The following FRYL variants were observed in gnomAD, a reference collection of about 807,000 sequenced individuals.
FRYL encodes FRY like transcription coactivator.
Under a neutral mutation model 351.2 loss-of-function variants are expected in FRYL, and 150 were observed. The observed-to-expected ratio is 0.43, with a 90% CI of 0.37 to 0.49. The LOEUF (loss-of-function observed/expected upper bound fraction) is 0.49, where lower values mean the gene tolerates loss of function less well. FRYL is among the 20% of genes least tolerant of loss of function. The pLI is 0.00. For synonymous variants in FRYL, 1,153 were observed against 1,257.1 expected (o/e 0.92, Z 1.75); for missense variants, 3,036 against 3,619.3 (o/e 0.84, Z 4.13).
Position 48,531,162 on chromosome 4 carries a change from T to C in FRYL, c.6897A>G (p.Ile2299Met), listed in dbSNP as rs1302699154. 3.8e-6 allele frequency: 6 copies of C among 1,582,348 alleles called. No individual in the cohort carries two copies. The highest frequency in any genetic ancestry group is 5.2e-6 in the Non-Finnish European group (6 of 1,152,370). Residue 2299 changes from isoleucine (I) to methionine (M), a missense_variant, in exon 50 of 64, where the codon ATA (isoleucine) becomes ATG (methionine). By Grantham distance (10) the Ile-to-Met change is conservative. Transcript: ENST00000358350. ...PGKTLDFHFD[I>M]SETPIIGNKY... is the part of the protein sequence containing the mutation. The stretch of plus-strand genomic sequence containing the variant: ...CAATTTCTGAGCATCTTACCTCAGA[T>C]ATATCAAAATGAAAATCTAAGGTCT...
At chr4:48,674,735 T>TTAAAAA (rs1763281405) in intron 3 of FRYL, among the ~76,000 whole-genome samples, 1 of 634 alleles carries the variant, frequency 1.6e-3, no homozygotes, top group Non-Finnish European at 5.3e-3. Context: ...AGACTCTGTC[T>TTAAAAA]CAAAAAAAAA....
chr4:48,520,976 A>G, intron 55 of FRYL, 72 bp downstream of exon 55: 1 of 1,118,918 alleles, frequency 8.9e-7, no homozygotes, highest in Non-Finnish European at 1.2e-6. Context: ...TTTTTGAAAG[A>G]AAAGCGGGAG....
intron 19 of FRYL, 143 bp from the exon 20 acceptor site, chr4:48,582,877 T>C: frequency 1.5e-6 from 1 of 647,198 alleles, no homozygotes; most frequent in Non-Finnish European, 2.7e-6. Flanking sequence ...TGATCACTTT[T>C]TCATGCTATA....
In FRYL at chr4:48,522,123, T is replaced by A. The variant is rs1560531722; in HGVS notation, c.7521+778A>T. Among the ~76,000 whole-genome samples, 6 of 151,998 alleles carry A rather than the reference T, an allele frequency of 3.9e-5. No homozygotes were observed. In the South Asian group the frequency reaches 6.2e-4, roughly 16 times the overall value. ...CAAGACCCCATCTCTACAAAAAATT[T>A]AAAAAAATTAGCTGTGCATATGTGG... On this transcript the variant is annotated intron_variant, in intron 54 of 63. Coordinates refer to ENST00000358350, the MANE Select transcript of FRYL (RefSeq NM_015030.2).
chr4:48,636,652 C>G (rs1416940059), intron 3 of FRYL, among the ~76,000 whole-genome samples: 2 of 151,716 alleles, frequency 1.3e-5, no homozygotes, highest in Non-Finnish European at 2.9e-5. Context: ...GCCTATAAAG[C>G]CAAAAGTTTT....
Position 48,546,362 on chromosome 4 carries a change from G to A in FRYL, c.5075-91C>T, listed in dbSNP as rs1486215758. The A allele has an allele frequency of 2.6e-5, 26 of 997,458 alleles. No individual in the cohort carries two copies. In the East Asian group the frequency reaches 6.2e-4, roughly 24 times the overall value. The allele number at this position is 997,458 out of a possible 1,614,324, so 61.8% of individuals were successfully genotyped here. Reference sequence around the variant, plus strand: ...TAAACTGTTGTTCCTTAGACTCTATGGGACACATGAGGCAATCTGTCAGTG... The same window carrying A: ...TAAACTGTTGTTCCTTAGACTCTATAGGACACATGAGGCAATCTGTCAGTG... On this transcript the variant is annotated intron_variant, in intron 41 of 63. Coordinates refer to ENST00000358350, the MANE Select transcript of FRYL (RefSeq NM_015030.2).
intron 59 of FRYL, chr4:48,506,762 GCTTATGTT>G (rs1721155844): frequency 6.6e-6 from 1 of 150,484 alleles, no homozygotes; most frequent in Non-Finnish European, 1.5e-5. Context: ...CTCTATTGTA[GCTTATGTT>G]GTACCCACAA....
intron 1 of FRYL, among the ~76,000 whole-genome samples, chr4:48,743,421 G>A (rs1443173913): frequency 1.3e-5 from 2 of 151,958 alleles, no homozygotes; most frequent in African/African-American, 2.4e-5. Context: ...TTCAAGAAAG[G>A]AAACCTGATC....
In FRYL at chr4:48,515,229, T is replaced by C. The variant is rs1338716864; in HGVS notation, c.7736A>G (p.Asp2579Gly). The C allele has an allele frequency of 2.5e-6, 4 of 1,611,564 alleles. No homozygotes were observed. The highest frequency in any genetic ancestry group is 1.7e-5 in the Admixed American group (1 of 59,986). ...TTCTTGAATTATATAGGATCCTTCA[T>C]CTTCAAAGGTTGTAACATGTTCCTC... is the stretch of plus-strand genomic sequence containing the variant. ...LKEEHVTTFEDEGSYIIQEQQ... is the reference protein window; with the variant it reads ...LKEEHVTTFEGEGSYIIQEQQ... Residue 2579 changes from aspartate to glycine, a missense_variant, in exon 56 of 64, where the codon GAT becomes GGT. By Grantham distance (94) the Asp-to-Gly change is moderately conservative. This residue lies in a region of FRYL where 1,987 missense variants were observed against 2,311.7 expected (regional missense o/e 0.86). Coordinates refer to ENST00000358350, the MANE Select transcript of FRYL (RefSeq NM_015030.2).
intron 2 of FRYL, among the ~76,000 whole-genome samples, chr4:48,705,557 TA>T (rs35570215): frequency 0.023 from 3,332 of 144,332 alleles, 54 homozygotes; most frequent in Middle Eastern, 0.076. Flanking sequence ...ATATTTTTCT[TA>T]AAAAAAAAAA....
chr4:48,500,860 G>A (rs1424304014), intron 62 of FRYL, among the ~76,000 whole-genome samples: 1 of 152,104 alleles, frequency 6.6e-6, no homozygotes. Flanking sequence ...CAAGGCAGTG[G>A]GTCACCTGAG....
Position 48,659,436 on chromosome 4 carries a change from G to GAGA in FRYL, c.-80-24947_-80-24946insTCT, listed in dbSNP as rs1489627054. Among the ~76,000 whole-genome samples, 19 of 1,910 alleles carry GAGA rather than the reference G, an allele frequency of 9.9e-3. 9 individuals are homozygous for GAGA. The highest frequency in any genetic ancestry group is 0.5 in the Middle Eastern group (2 of 4). 1.3% of individuals were successfully genotyped at this position (1,910 alleles called of 152,430 possible). On this transcript the variant is annotated intron_variant, in intron 3 of 63. Coordinates refer to ENST00000358350, the MANE Select transcript of FRYL (RefSeq NM_015030.2). ...GAGAAGGAGAAGGAGAAGAGGAAGA[G>GAGA]GAAGAGGAAGAGGAAGAGGGAGAAG...
chr4:48,590,383 C>T (rs1269245612), intron 17 of FRYL, among the ~76,000 whole-genome samples: 1 of 152,060 alleles, frequency 6.6e-6, no homozygotes, highest in African/African-American at 2.4e-5. Context: ...ACTTGGGAGG[C>T]TGAGGCATGA....
intron 1 of FRYL, 77 bp from the exon 2 acceptor site, chr4:48,710,775 C>T (rs1382715858): frequency 1.0e-5 from 4 of 391,006 alleles, no homozygotes; most frequent in East Asian, 3.6e-5. Flanking sequence ...TAGCAGCTTC[C>T]GTATATCACT....
At chr4:48,670,835 T>C (rs1424149468) in intron 3 of FRYL, among the ~76,000 whole-genome samples, 1 of 152,214 alleles carries the variant, frequency 6.6e-6, no homozygotes, top group Non-Finnish European at 1.5e-5. Flanking sequence ...ATTTTCTTTA[T>C]CCATTAATCT....
chr4:48,566,564 T>A (rs1736836929), intron 28 of FRYL, among the ~76,000 whole-genome samples: 1 of 152,238 alleles, frequency 6.6e-6, no homozygotes, highest in African/African-American at 2.4e-5. Context: ...GAAATTGACA[T>A]ATGTAATTAA....
At chr4:48,543,409 G>A (rs537948462) in intron 44 of FRYL, among the ~76,000 whole-genome samples, 14 of 152,258 alleles carry the variant, frequency 9.2e-5, no homozygotes, top group African/African-American at 2.6e-4. Flanking sequence ...TTATAACAGC[G>A]TTAATAAAGT....
intron 1 of FRYL, among the ~76,000 whole-genome samples, chr4:48,765,528 C>T (rs189308934): frequency 1.3e-3 from 193 of 152,056 alleles, no homozygotes; most frequent in African/African-American, 4.3e-3. Context: ...AAACATAAGA[C>T]CTGAAACCAT....
chr4:48,499,411 C>A lies in FRYL; in HGVS notation c.*11G>T. The A allele has an allele frequency of 6.2e-7, 1 of 1,613,006 alleles. No homozygotes were observed. The highest frequency in any genetic ancestry group is 1.1e-5 in the South Asian group (1 of 91,024). ...TTCAGTTTAGTTTCTTTCCTAAAGG[C>A]CTGAAGTGTCTCAGAATCCAGTGCT... On this transcript the variant is annotated 3_prime_UTR_variant, in exon 64 of 64. Transcript: ENST00000358350.
Sources: gnomAD v4.1 joint callset for allele counts (sites outside exome capture counted in the v4.1 genomes callset) on GRCh38, gnomAD v4.1.1 for gene constraint, gnomAD v4.1.1 regional missense constraint, MANE v1.5 for transcripts, NCBI Gene and HGNC (gene_info 2026-07-23, HGNC 2026-07-21) for gene names.